PKIB: variants seen among roughly 807,000 people sequenced by gnomAD.
The protein encoded by PKIB is cAMP-dependent protein kinase inhibitor beta, also known as PKI-beta.
A neutral mutation model predicts 4.5 loss-of-function variants in PKIB; 2 were observed. That is an observed-to-expected ratio of 0.44 (90% CI 0.18 to 1.39). The LOEUF is 1.39. Among genes scored for constraint, PKIB ranks in the 40% most tolerant of loss-of-function variants. The pLI is 0.27. For missense variants in PKIB, 94 were observed against 92.6 expected, an observed-to-expected ratio of 1.02 and a Z score of -0.06; for synonymous variants, 38 against 36.0, an observed-to-expected ratio of 1.06 and a Z score of -0.20.
chr6:122,700,899 G>C (rs1778787051), intron 3 of PKIB, among the ~76,000 whole-genome samples: 1 of 152,142 alleles, frequency 6.6e-6, no homozygotes, highest in East Asian at 1.9e-4. Context: ...ATTAGTCTAT[G>C]GCTTGGATAG....
chr6:122,688,590 A>G (rs1778186945), intron 3 of PKIB, among the ~76,000 whole-genome samples: 1 of 151,912 alleles, frequency 6.6e-6, no homozygotes, highest in African/African-American at 2.4e-5. Flanking sequence ...CTCAGGCTTT[A>G]CTTTACTGGG....
chr6:122,660,707 G>T (rs547271604), intron 2 of PKIB, among the ~76,000 whole-genome samples: 6 of 152,192 alleles, frequency 3.9e-5, no homozygotes, highest in Admixed American at 3.3e-4. Flanking sequence ...TAGCCTAAAG[G>T]ATTAAGCTAA....
intron 3 of PKIB, among the ~76,000 whole-genome samples, chr6:122,712,702 T>C (rs1192033812): frequency 6.6e-6 from 1 of 152,182 alleles, no homozygotes; most frequent in East Asian, 1.9e-4. Context: ...TTTGAAGTCT[T>C]AGGTATAAAA....
intron 1 of PKIB, among the ~76,000 whole-genome samples, chr6:122,616,458 T>C (rs1240550422): frequency 5.5e-4 from 84 of 152,128 alleles, no homozygotes; most frequent in Non-Finnish European, 2.5e-4. Context: ...AGGTGAAAGA[T>C]GGAGGAGACG....
intron 3 of PKIB, among the ~76,000 whole-genome samples, chr6:122,692,101 C>G (rs1778379646): frequency 6.6e-6 from 1 of 152,186 alleles, no homozygotes; most frequent in Non-Finnish European, 1.5e-5. Flanking sequence ...ACACAAGCAC[C>G]CCTGTGACCA....
chr6:122,543,978 A>G (rs1392140738), intron 2 of PKIB, among the ~76,000 whole-genome samples: 3 of 151,986 alleles, frequency 2.0e-5, no homozygotes, highest in Non-Finnish European at 4.4e-5. Context: ...TTCACACAAC[A>G]TCTCATTTTC....
intron 2 of PKIB, among the ~76,000 whole-genome samples, chr6:122,658,972 T>G (rs1246369452): frequency 6.6e-6 from 1 of 151,618 alleles, no homozygotes; most frequent in African/African-American, 2.4e-5. Flanking sequence ...TAAAATAATA[T>G]TAAACAGTAA....
intron 2 of PKIB, among the ~76,000 whole-genome samples, chr6:122,670,297 A>G (rs1044944848): frequency 6.6e-6 from 1 of 151,960 alleles, no homozygotes; most frequent in Non-Finnish European, 1.5e-5. Flanking sequence ...TTCTATTTCT[A>G]TAGAAAGGGG....
intron 2 of PKIB, among the ~76,000 whole-genome samples, chr6:122,647,789 A>G (rs897032090): frequency 9.2e-5 from 14 of 152,232 alleles, no homozygotes; most frequent in African/African-American, 2.2e-4. Flanking sequence ...CATGTGGTCA[A>G]TGCTGGTATT....
chr6:122,510,051 A>G (rs150607709), intron 2 of PKIB, among the ~76,000 whole-genome samples: 5 of 152,204 alleles, frequency 3.3e-5, no homozygotes, highest in Admixed American at 6.5e-5. Context: ...GCTGAATTCA[A>G]TTAATATCTT....
chr6:122,717,954 G>A lies in PKIB; in HGVS notation c.160G>A (p.Val54Met), dbSNP rs187660514. 50 of 1,612,966 alleles carry A rather than the reference G, an allele frequency of 3.1e-5. 1 individual carries two copies. The Admixed American group carries it at 5.3e-4, about 17-fold the overall frequency. The change falls in exon 4 of 5, where the codon GTG becomes ATG. Residue 54 changes from valine (V) to methionine (M), a missense_variant. Val to Met is a conservative substitution (Grantham distance 21). Coordinates refer to ENST00000368452, the MANE Select transcript of PKIB (RefSeq NM_181795.3). The part of the protein sequence containing the change: ...DLPLKLEALS[V>M]KEDAKEKDEK... Reference sequence around the variant, plus strand: ...GCCCCTCAAACTGGAGGCTCTCTCCGTGAAGGAAGGTAATACTCAAAATCC... The same window carrying A: ...GCCCCTCAAACTGGAGGCTCTCTCCATGAAGGAAGGTAATACTCAAAATCC...
At chr6:122,650,782 C>T (rs907950020) in intron 2 of PKIB, among the ~76,000 whole-genome samples, 4 of 152,150 alleles carry the variant, frequency 2.6e-5, no homozygotes, top group Non-Finnish European at 5.9e-5. Flanking sequence ...TAAGGACTCT[C>T]CTGGGGTATG....
At chr6:122,668,387 A>C (rs1777315988) in intron 2 of PKIB, among the ~76,000 whole-genome samples, 2 of 152,200 alleles carry the variant, frequency 1.3e-5, no homozygotes, top group Admixed American at 1.3e-4. Flanking sequence ...TCAAAGGAAG[A>C]GAGAGGGATA....
chr6:122,491,758 C>A (rs1775938898), intron 2 of PKIB, among the ~76,000 whole-genome samples: 1 of 152,134 alleles, frequency 6.6e-6, no homozygotes, highest in Non-Finnish European at 1.5e-5. Context: ...GATTTCATAG[C>A]CATTTATGAC....
chr6:122,608,656 C>A (rs534653118), upstream of PKIB, among the ~76,000 whole-genome samples: 4 of 152,284 alleles, frequency 2.6e-5, no homozygotes, highest in South Asian at 8.3e-4. Flanking sequence ...CTGTAGAGTA[C>A]CTACTTTGTG....
intron 2 of PKIB, among the ~76,000 whole-genome samples, chr6:122,672,818 A>G (rs1009666166): frequency 2.6e-5 from 4 of 151,884 alleles, no homozygotes; most frequent in African/African-American, 7.2e-5. Context: ...AGATATGTAC[A>G]CACAAAAATT....
intron 2 of PKIB, chr6:122,478,797 CAA>C (rs895080570): frequency 2.0e-5 from 3 of 151,920 alleles, no homozygotes; most frequent in African/African-American, 7.2e-5. Context: ...AAACAAAAAA[CAA>C]AAAAAACTCC....
intron 3 of PKIB, among the ~76,000 whole-genome samples, chr6:122,715,213 T>C (rs1227213435): frequency 6.6e-6 from 1 of 152,110 alleles, no homozygotes; most frequent in Non-Finnish European, 1.5e-5. Flanking sequence ...ATATATAGCA[T>C]TTATTTAAAT....
chr6:122,717,656 A>T, intron 3 of PKIB, 131 bp from the exon 4 acceptor site: 1 of 869,442 alleles, frequency 1.2e-6, no homozygotes, highest in Non-Finnish European at 1.8e-6. Context: ...GTAGACATTG[A>T]TGAAGGTTGT....
Sources: gnomAD v4.1 joint callset for allele counts (sites outside exome capture counted in the v4.1 genomes callset) on GRCh38, gnomAD v4.1.1 for gene constraint, MANE v1.5 for transcripts, NCBI Gene and HGNC (gene_info 2026-07-23, HGNC 2026-07-21) for gene names.